Variants in NAF1 observed in about 807,000 individuals in gnomAD.
The protein encoded by NAF1 is H/ACA ribonucleoprotein complex non-core subunit NAF1.
Under a neutral mutation model 40.6 loss-of-function variants are expected in NAF1, and 11 were observed. The ratio of observed to expected loss-of-function variants is 0.27; its 90% confidence interval spans 0.17 to 0.45. The LOEUF is 0.45. Ranked by LOEUF, NAF1 falls within the 20% of genes least tolerant of loss-of-function variation. The probability of loss-of-function intolerance (pLI) is 1.00; values close to 1 mark genes in which losing one functional copy is unlikely to be tolerated. For missense variants in NAF1, 607 were observed against 611.1 expected, an observed-to-expected ratio of 0.99 and a Z score of 0.07; for synonymous variants, 260 against 228.5, an observed-to-expected ratio of 1.14 and a Z score of -1.24.
rs567095798 is a variant in NAF1 at position 163,118,285 on chromosome 4, T to C, written c.115-7995A>G. Among the ~76,000 whole-genome samples, 7 of 152,306 alleles carry C rather than the reference T, an allele frequency of 4.6e-5. No individual in the cohort carries two copies. In the South Asian group the frequency reaches 1.2e-3, roughly 27 times the overall value. On this transcript the variant is annotated intron_variant, in intron 2 of 2. Coordinates refer to the NAF1 transcript ENST00000509434. ...TGTCTCTCAAGTAGCTTCTCTGTAC[T>C]AGAGTAGGGACAGGTGTAATAAAAC... is the stretch of plus-strand genomic sequence containing the variant.
chr4:163,151,061 G>T (rs1274001461), intron 2 of NAF1, among the ~76,000 whole-genome samples: 3 of 151,302 alleles, frequency 2.0e-5, no homozygotes, highest in Admixed American at 6.6e-5. Context: ...ATTGTTTCTT[G>T]TATAACTTTA....
intron 2 of NAF1, among the ~76,000 whole-genome samples, chr4:163,156,722 C>T (rs1026853850): frequency 1.3e-5 from 2 of 152,074 alleles, no homozygotes; most frequent in Admixed American, 6.5e-5. Flanking sequence ...TTTAAGACCA[C>T]ATTTTAACAG....
intron 3 of NAF1, among the ~76,000 whole-genome samples, chr4:163,147,359 T>C (rs1579166223): frequency 6.6e-6 from 1 of 152,268 alleles, no homozygotes; most frequent in Middle Eastern, 3.4e-3. Flanking sequence ...TGGAGGCTGG[T>C]GGGCAATCTA....
chr4:163,161,453 C>G (rs1346155967), intron 2 of NAF1, among the ~76,000 whole-genome samples: 3 of 151,318 alleles, frequency 2.0e-5, no homozygotes, highest in Non-Finnish European at 4.4e-5. Context: ...GCCTGGGCGA[C>G]AAGAGCGAAA....
intron 2 of NAF1, among the ~76,000 whole-genome samples, chr4:163,154,351 C>T (rs2111014474): frequency 6.6e-6 from 1 of 152,302 alleles, no homozygotes; most frequent in Middle Eastern, 3.4e-3. Context: ...GCCCCAAATA[C>T]TCCACAAAAC....
chr4:163,118,078 T>TA (rs1290229326), intron 2 of NAF1, among the ~76,000 whole-genome samples: 1 of 152,116 alleles, frequency 6.6e-6, no homozygotes, highest in African/African-American at 2.4e-5. Flanking sequence ...AAATCTGTGC[T>TA]AAAATAGGTT....
chr4:163,157,520 A>C (rs1429679553), intron 2 of NAF1: 1 of 151,982 alleles, frequency 6.6e-6, no homozygotes, highest in African/African-American at 2.4e-5. Flanking sequence ...CGACAATTTA[A>C]ATGTCCAACT....
chr4:163,111,379 A>T (rs1730154238), intron 2 of NAF1, among the ~76,000 whole-genome samples: 1 of 152,164 alleles, frequency 6.6e-6, no homozygotes. Flanking sequence ...CTCTGAGCAT[A>T]AAGTAAAAGT....
At chr4:163,133,810 A>T (rs1386672163) in intron 6 of NAF1, among the ~76,000 whole-genome samples, 2 of 152,118 alleles carry the variant, frequency 1.3e-5, no homozygotes, top group African/African-American at 4.8e-5. Context: ...CATAGGCAAA[A>T]GCTTTTTTGT....
At chr4:163,109,974 T>C, downstream of NAF1, 1 of 357,994 alleles carries the variant, frequency 2.8e-6, no homozygotes, top group Non-Finnish European at 5.0e-6. Context: ...TATCTTACTT[T>C]TGTATGTCTC....
In NAF1 at chr4:163,166,807, C is replaced by G. The variant is rs1732502603; in HGVS notation, c.-80G>C. 6.5e-7 allele frequency: 1 copy of G among 1,534,926 alleles called. No homozygotes were observed. The highest frequency in any genetic ancestry group is 8.7e-7 in the Non-Finnish European group (1 of 1,143,036). The stretch of plus-strand genomic sequence containing the variant: ...ACGGCTCTCTCCAGAAATAGAAAAA[C>G]AACTTAGGCAACCGCAGCAACACTG... On this transcript the variant is annotated 5_prime_UTR_variant, in exon 1 of 8. Transcript: ENST00000274054.
At chr4:163,157,256 G>A (rs1732023650) in intron 2 of NAF1, 1 of 151,756 alleles carries the variant, frequency 6.6e-6, no homozygotes. Context: ...CCTTCACTTT[G>A]AGAAAATATG....
intron 2 of NAF1, among the ~76,000 whole-genome samples, chr4:163,111,086 G>C (rs536878193): frequency 2.0e-5 from 3 of 152,030 alleles, no homozygotes; most frequent in Admixed American, 2.0e-4. Flanking sequence ...TAGATTTCTG[G>C]ACATAACTTC....
rs533635892 is a variant in NAF1, at chr4:163,151,416, G to C, written c.541-2982C>G. Among the ~76,000 whole-genome samples, 15 of 147,490 alleles carry C rather than the reference G, an allele frequency of 1.0e-4. No individual in the cohort carries two copies. In the South Asian group the frequency reaches 3.2e-3, roughly 32 times the overall value. On this transcript the variant is annotated intron_variant, in intron 2 of 7. Coordinates refer to ENST00000274054, the MANE Select transcript of NAF1 (RefSeq NM_138386.3). ...TTGGTCCATTCACAATTTTATTCTT[G>C]TATAAAAGTGCAGCAGTGATTGGCT...
rs556571677 is a variant in NAF1 at position 163,151,043 on chromosome 4, T to A, written c.541-2609A>T. On this transcript the variant is annotated intron_variant, in intron 2 of 7. Coordinates refer to ENST00000274054, the MANE Select transcript of NAF1 (RefSeq NM_138386.3). The stretch of plus-strand genomic sequence containing the variant: ...CATGTATCCTGGCCATTTTTATGTG[T>A]GTTATGAATTGTTTCTTGTATAACT... Among the ~76,000 whole-genome samples the A allele has an allele frequency of 7.2e-5, 11 of 152,202 alleles. No individual in the cohort carries two copies. The South Asian group carries it at 1.7e-3, about 23-fold the overall frequency.
At chr4:163,108,934 A>C (rs915990559), downstream of NAF1, 4 of 152,134 alleles carry the variant, frequency 2.6e-5, no homozygotes, top group African/African-American at 9.7e-5. Flanking sequence ...AAAAGGGCTT[A>C]GTGTCTTTTC....
At position 163,153,905 on chromosome 4, in the gene NAF1, G is replaced by A. The variant is rs868309968; in HGVS notation, c.541-5471C>T. Among the ~76,000 whole-genome samples, 18 of 152,234 alleles carry A rather than the reference G, an allele frequency of 1.2e-4. 1 individual carries two copies. The highest frequency in any genetic ancestry group is 4.1e-4 in the African/African-American group (17 of 41,538). Reference sequence around the variant, plus strand: ...CTCTTTGGGTCCACACTGCTTTTATGAGCCATAACACTCACCGCGAAGATC... The same window carrying A: ...CTCTTTGGGTCCACACTGCTTTTATAAGCCATAACACTCACCGCGAAGATC... On this transcript the variant is annotated intron_variant, in intron 2 of 7. Transcript: ENST00000274054.
chr4:163,105,737 G>A (rs1056438892), downstream of NAF1, among the ~76,000 whole-genome samples: 5 of 152,050 alleles, frequency 3.3e-5, no homozygotes, highest in Admixed American at 3.3e-4. Context: ...CAAGTATATT[G>A]CATTTTATAA....
rs185096482 is a variant in NAF1 at position 163,148,544 on chromosome 4, T to C, written c.541-110A>G. ...ACATCTCTGAAAATGCTTTAAGTGC[T>C]TAGAGCATCTCTTTAATGTTATCAT... On this transcript the variant is annotated intron_variant, in intron 2 of 7. Transcript: ENST00000274054. 2.7e-3 allele frequency: 1,917 copies of C among 703,374 alleles called. 55 individuals carry two copies. The South Asian group carries it at 0.036, about 13-fold the overall frequency. 43.6% of individuals were successfully genotyped at this position (703,374 alleles called of 1,614,324 possible).
Sources: gnomAD v4.1 joint callset for allele counts (sites outside exome capture counted in the v4.1 genomes callset) on GRCh38, gnomAD v4.1.1 for gene constraint, MANE v1.5 for transcripts, NCBI Gene and HGNC (gene_info 2026-07-23, HGNC 2026-07-21) for gene names.